The following SLC26A4 variants were observed in gnomAD, a reference collection of about 807,000 sequenced individuals.
SLC26A4 encodes pendrin.
Under a neutral mutation model 90.4 loss-of-function variants are expected in SLC26A4, and 93 were observed. The ratio of observed to expected loss-of-function variants is 1.03; its 90% CI spans 0.87 to 1.22. The LOEUF is 1.22. Among genes scored for constraint, SLC26A4 ranks in the 50% most tolerant of loss-of-function variants. The pLI is 0.00. For missense variants in SLC26A4, 1,127 were observed against 946.2 expected (o/e 1.19, Z -2.51); for synonymous variants, 393 against 354.6 (o/e 1.11, Z -1.22).
At chr7:107,700,675 G>A (rs1791860964) in intron 15 of SLC26A4, among the ~76,000 whole-genome samples, 1 of 152,186 alleles carries the variant, frequency 6.6e-6, no homozygotes, top group South Asian at 2.1e-4. Flanking sequence ...GGCACCAAAT[G>A]CCATGCTATG....
intron 19 of SLC26A4, among the ~76,000 whole-genome samples, chr7:107,711,023 AAACT>A (rs1272686455): frequency 1.3e-5 from 2 of 152,224 alleles, no homozygotes; most frequent in African/African-American, 4.8e-5. Flanking sequence ...TGATTGAAGA[AAACT>A]AACTTAGGAA....
At chr7:107,666,039 C>A (rs745440230) in intron 3 of SLC26A4, among the ~76,000 whole-genome samples, 34 of 152,120 alleles carry the variant, frequency 2.2e-4, no homozygotes, top group Admixed American at 8.5e-4. Flanking sequence ...GGTATCCAGC[C>A]ATGTGCACTC....
intron 10 of SLC26A4, among the ~76,000 whole-genome samples, chr7:107,691,051 G>A (rs1435222903): frequency 1.3e-5 from 2 of 149,790 alleles, no homozygotes; most frequent in East Asian, 4.0e-4. Flanking sequence ...CTATTATTTA[G>A]GAGTAAGAAG....
rs182364692 is a variant in SLC26A4 at position 107,694,341 on chromosome 7, G to A, written c.1264-62G>A. 1.9e-5 allele frequency: 25 copies of A among 1,295,900 alleles called. No homozygotes were observed. The East Asian group carries it at 4.2e-4, about 22-fold the overall frequency. 80.3% of individuals were successfully genotyped at this position (1,295,900 alleles called of 1,614,324 possible). A position where few individuals can be genotyped will look rare whatever the true frequency, so the allele number is the denominator to read the frequency against. ...ACAGGCTGTCTCATACACACATCCA[G>A]TGAGCTGGAAGACACAAGGGAGAAG... On this transcript the variant is annotated intron_variant, in intron 10 of 20. Coordinates refer to ENST00000644269, the MANE Select transcript of SLC26A4 (RefSeq NM_000441.2).
At chr7:107,709,688 G>A (rs1298488812) in intron 18 of SLC26A4, among the ~76,000 whole-genome samples, 1 of 152,180 alleles carries the variant, frequency 6.6e-6, no homozygotes, top group Non-Finnish European at 1.5e-5. Context: ...CGTCCACAAG[G>A]TTGACTACGA....
chr7:107,696,799 C>A, intron 13 of SLC26A4, among the ~76,000 whole-genome samples: 1 of 152,186 alleles, frequency 6.6e-6, no homozygotes. Flanking sequence ...TAAGTGCCCT[C>A]CTGGGCCTAG....
intron 6 of SLC26A4, among the ~76,000 whole-genome samples, chr7:107,675,837 G>T (rs567868386): frequency 4.5e-4 from 69 of 152,170 alleles, no homozygotes; most frequent in Non-Finnish European, 7.6e-4. Context: ...CTCCCAAAGT[G>T]CTGGGATTAC....
chr7:107,683,966 C>T (rs746208122), intron 8 of SLC26A4, among the ~76,000 whole-genome samples: 1 of 152,172 alleles, frequency 6.6e-6, no homozygotes, highest in African/African-American at 2.4e-5. Flanking sequence ...TATCCTCGTA[C>T]CCATAAGTAA....
chr7:107,671,991 G>T (rs1261442828), intron 3 of SLC26A4, 147 bp from the exon 4 acceptor site: 4 of 672,194 alleles, frequency 6.0e-6, no homozygotes, highest in Admixed American at 2.1e-5. Flanking sequence ...TGGTTGTATG[G>T]TTACTTAAAG....
At chr7:107,680,338 TATA>T (rs1414125507) in intron 6 of SLC26A4, among the ~76,000 whole-genome samples, 2 of 138,756 alleles carry the variant, frequency 1.4e-5, no homozygotes, top group African/African-American at 2.6e-5. Context: ...TATCTTATTA[TATA>T]ATGTTATATT....
intron 3 of SLC26A4, among the ~76,000 whole-genome samples, chr7:107,668,045 C>T (rs2129310351): frequency 6.6e-6 from 1 of 152,132 alleles, no homozygotes; most frequent in East Asian, 1.9e-4. Flanking sequence ...GTAACTGGGT[C>T]CCCAGGCAGT....
rs747267537 is a variant in SLC26A4 at position 107,672,266 on chromosome 7, T to C, written c.415+18T>C. 1 of 1,471,060 alleles carries C rather than the reference T, an allele frequency of 6.8e-7. No homozygotes were observed. Among genetic ancestry groups the C allele is most frequent in the Non-Finnish European group, 9.5e-7 (1 of 1,050,652 alleles). The allele number at this position is 1,471,060 out of a possible 1,614,324, so 91.1% of individuals were successfully genotyped here. ...CTCAGTTGGTAATTATAAGTATATT[T>C]TACAATTATATTTGCTCATGTTTAA... is the stretch of plus-strand genomic sequence containing the variant. On this transcript the variant is annotated intron_variant, in intron 4 of 20. Coordinates refer to ENST00000644269, the MANE Select transcript of SLC26A4 (RefSeq NM_000441.2).
intron 10 of SLC26A4, chr7:107,691,778 T>A: frequency 9.8e-7 from 1 of 1,015,834 alleles, no homozygotes; most frequent in Non-Finnish European, 1.2e-6. Flanking sequence ...TAATTTTTTA[T>A]TTTTTTTGCA....
intron 16 of SLC26A4, 78 bp downstream of exon 16, chr7:107,701,274 T>C (rs1470695025): frequency 1.1e-6 from 1 of 879,066 alleles, no homozygotes; most frequent in Non-Finnish European, 1.9e-6. Context: ...TAAAATTAAA[T>C]CTATCCTCTT....
chr7:107,674,111 T>C (rs1309046323), intron 4 of SLC26A4, 53 bp from the exon 5 acceptor site: 6 of 1,515,200 alleles, frequency 4.0e-6, no homozygotes, highest in Non-Finnish European at 5.5e-6. Flanking sequence ...TGCAGACACA[T>C]TGAACATTTG....
rs1562818627 is a variant in SLC26A4 at position 107,663,409 on chromosome 7, G to A, written c.278G>A (p.Ser93Asn). 8.7e-6 allele frequency: 14 copies of A among 1,614,012 alleles called. No homozygotes were observed. The highest frequency in any genetic ancestry group is 3.3e-5 in the Admixed American group (2 of 60,010). ...CTTAGTGACGTCATTTCGGGAGTTA[G>A]TACTGGGCTAGTGGCCACGCTGCAA... Reference protein sequence around the residue: ...WLLSDVISGVSTGLVATLQGM... With the variant: ...WLLSDVISGVNTGLVATLQGM... Residue 93 changes from serine to asparagine, a missense_variant, in exon 3 of 21, where the codon AGT (serine) becomes AAT (asparagine). Physicochemically the swap from Ser to Asn is conservative, Grantham distance 46. Transcript: ENST00000644269.
rs1053131646 is a variant in SLC26A4, at chr7:107,674,101, T to G, written c.416-63T>G. On this transcript the variant is annotated intron_variant, in intron 4 of 20. Coordinates refer to ENST00000644269, the MANE Select transcript of SLC26A4 (RefSeq NM_000441.2). Reference sequence around the variant, plus strand: ...TCTTTTATACATTTTTTAAACCCTATGCAGACACATTGAACATTTGTGATT... The same window carrying G: ...TCTTTTATACATTTTTTAAACCCTAGGCAGACACATTGAACATTTGTGATT... 2.7e-6 allele frequency: 4 copies of G among 1,458,826 alleles called. No individual in the cohort carries two copies. In the Admixed American group the frequency reaches 6.7e-5, roughly 24 times the overall value. 90.4% of individuals were successfully genotyped at this position (1,458,826 alleles called of 1,614,324 possible).
chr7:107,682,843 TA>T (rs1791283389), intron 6 of SLC26A4, among the ~76,000 whole-genome samples: 1 of 152,192 alleles, frequency 6.6e-6, no homozygotes, highest in Non-Finnish European at 1.5e-5. Flanking sequence ...TTTCTGTAAG[TA>T]AAAGTTAGTA....
intron 6 of SLC26A4, among the ~76,000 whole-genome samples, chr7:107,680,846 A>G (rs1166904813): frequency 2.0e-5 from 3 of 152,146 alleles, no homozygotes; most frequent in African/African-American, 4.8e-5. Flanking sequence ...TTGTTTTTCA[A>G]GTTTTAATTT....
Sources: allele counts gnomAD v4.1 joint callset (sites outside exome capture counted in the v4.1 genomes callset), GRCh38; gene constraint gnomAD v4.1.1; transcripts MANE v1.5; gene names NCBI Gene and HGNC (gene_info 2026-07-23, HGNC 2026-07-21).